EPHA3: variants seen among roughly 807,000 people sequenced by gnomAD.
EPHA3 encodes ephrin type-A receptor 3.
A neutral mutation model predicts 107.1 loss-of-function variants in EPHA3; 42 were observed. The observed-to-expected ratio is 0.39, with a 90% CI of 0.31 to 0.51. The LOEUF (loss-of-function observed/expected upper bound fraction) is 0.51, where lower values mean the gene tolerates loss of function less well. EPHA3 is among the 20% of genes least tolerant of loss of function. The pLI is 0.78. For synonymous variants in EPHA3, 461 were observed against 424.8 expected (o/e 1.09, Z -1.05); for missense variants, 1,183 against 1,211.2 (o/e 0.98, Z 0.35).
intron 5 of EPHA3, among the ~76,000 whole-genome samples, chr3:89,346,460 G>T (rs1707657301): frequency 6.8e-6 from 1 of 147,268 alleles, no homozygotes; most frequent in Non-Finnish European, 1.5e-5. Context: ...CTTTTTGATG[G>T]GGTTGTTTGT....
chr3:89,418,169 C>T (rs1709284591), intron 10 of EPHA3, among the ~76,000 whole-genome samples: 1 of 151,196 alleles, frequency 6.6e-6, no homozygotes, highest in Admixed American at 6.6e-5. Flanking sequence ...CCATCAAGAG[C>T]CAAAAATTAA....
At chr3:89,316,622 A>C (rs1706913342) in intron 3 of EPHA3, among the ~76,000 whole-genome samples, 1 of 149,500 alleles carries the variant, frequency 6.7e-6, no homozygotes, top group African/African-American at 2.4e-5. Flanking sequence ...GTAGATTTTG[A>C]AAGCAGGAGG....
At chr3:89,274,264 G>C (rs1474897560) in intron 3 of EPHA3, among the ~76,000 whole-genome samples, 1 of 151,818 alleles carries the variant, frequency 6.6e-6, no homozygotes, top group Admixed American at 6.6e-5. Context: ...TTTGTATGCT[G>C]TGCTTTAAAT....
intron 5 of EPHA3, among the ~76,000 whole-genome samples, chr3:89,372,576 A>G (rs1193486763): frequency 4.6e-5 from 7 of 151,770 alleles, no homozygotes; most frequent in Admixed American, 2.0e-4. Flanking sequence ...TTGCCAACCT[A>G]TGAAAGAGAA....
intron 3 of EPHA3, among the ~76,000 whole-genome samples, chr3:89,282,800 G>T (rs1470934484): frequency 6.6e-6 from 1 of 152,006 alleles, no homozygotes; most frequent in East Asian, 1.9e-4. Flanking sequence ...ACAGTCTCCT[G>T]CACCAAAACT....
chr3:89,142,305 T>C (rs975800500), intron 2 of EPHA3, among the ~76,000 whole-genome samples: 9 of 151,456 alleles, frequency 5.9e-5, no homozygotes, highest in African/African-American at 2.2e-4. Context: ...ATAGAAACTT[T>C]GGTCTATATT....
chr3:89,341,836 C>A lies in EPHA3; in HGVS notation c.1052C>A (p.Thr351Lys), dbSNP rs1281583058. 1 of 1,613,890 alleles carries A rather than the reference C, an allele frequency of 6.2e-7. No homozygotes were observed. Among genetic ancestry groups the A allele is most frequent in the Admixed American group, 1.7e-5 (1 of 59,972 alleles). Residue 351 changes from threonine (T) to lysine (K), a missense_variant, in exon 5 of 17, where the codon ACA becomes AAA. Transcript: ENST00000336596. ...CTGGACTGGAGTTGGCCCCTGGACACAGGAGGCCGGAAAGATGTTACCTTC... is the reference window on the plus strand; with the variant it reads ...CTGGACTGGAGTTGGCCCCTGGACAAAGGAGGCCGGAAAGATGTTACCTTC... ...VILDWSWPLD[T>K]GGRKDVTFNI...
chr3:89,325,419 C>T (rs1359945443), intron 3 of EPHA3, among the ~76,000 whole-genome samples: 2 of 152,128 alleles, frequency 1.3e-5, no homozygotes, highest in African/African-American at 4.8e-5. Context: ...AAATGTAAAT[C>T]TGATTATGGT....
At chr3:89,397,670 G>A (rs539084118) in intron 6 of EPHA3, among the ~76,000 whole-genome samples, 24 of 139,462 alleles carry the variant, frequency 1.7e-4, no homozygotes, top group African/African-American at 6.4e-4. Context: ...CGCCACCTCC[G>A]CCTCCCAGGT....
At chr3:89,359,798 T>TACACATATATAC (rs1708051946) in intron 5 of EPHA3, among the ~76,000 whole-genome samples, 5 of 144,974 alleles carry the variant, frequency 3.4e-5, no homozygotes, top group African/African-American at 1.2e-4. Context: ...TATACATATA[T>TACACATATATAC]ACACATATAT....
chr3:89,246,493 C>T (rs1705037438), intron 3 of EPHA3, among the ~76,000 whole-genome samples: 1 of 151,922 alleles, frequency 6.6e-6, no homozygotes, highest in Non-Finnish European at 1.5e-5. Context: ...TACCAGGATC[C>T]TCTACTGAAT....
intron 2 of EPHA3, among the ~76,000 whole-genome samples, chr3:89,195,233 C>G (rs1355623467): frequency 6.6e-6 from 1 of 151,938 alleles, no homozygotes; most frequent in African/African-American, 2.4e-5. Flanking sequence ...TGCATAAGTT[C>G]TCACACCTGT....
Position 89,240,955 on chromosome 3 carries a change from G to A in EPHA3, c.814+30435G>A, listed in dbSNP as rs1481700529. 2.0e-5 allele frequency among the ~76,000 whole-genome samples: 3 copies of A among 151,796 alleles called. No homozygotes were observed. The East Asian group carries it at 5.8e-4, about 29-fold the overall frequency. ...GTACATCTTGAAAATTAAGGACATGGATTAAAATAATCAAATGAAATGTTT... is the reference window on the plus strand; with the variant it reads ...GTACATCTTGAAAATTAAGGACATGAATTAAAATAATCAAATGAAATGTTT... On this transcript the variant is annotated intron_variant, in intron 3 of 16. Coordinates refer to ENST00000336596, the MANE Select transcript of EPHA3 (RefSeq NM_005233.6).
intron 3 of EPHA3, among the ~76,000 whole-genome samples, chr3:89,278,121 A>T (rs1391903574): frequency 3.9e-5 from 6 of 152,172 alleles, no homozygotes; most frequent in Non-Finnish European, 8.8e-5. Flanking sequence ...ATAGAGTCAA[A>T]ATACTTTTCT....
rs1222778089 is a variant in EPHA3 at position 89,454,584 on chromosome 3, C to A, written c.2690+4214C>A. The stretch of plus-strand genomic sequence containing the variant: ...TTTCAAACTCCAAACATTTTTTTTG[C>A]ACAGCCTCCAGAATCTTCTTATCAA... On this transcript the variant is annotated intron_variant, in intron 15 of 16. Coordinates refer to ENST00000336596, the MANE Select transcript of EPHA3 (RefSeq NM_005233.6). 2.6e-5 allele frequency among the ~76,000 whole-genome samples: 4 copies of A among 152,094 alleles called. No homozygotes were observed. In the East Asian group the frequency reaches 7.7e-4, roughly 29 times the overall value.
intron 3 of EPHA3, among the ~76,000 whole-genome samples, chr3:89,279,688 G>A (rs1419512771): frequency 6.6e-6 from 1 of 151,842 alleles, no homozygotes; most frequent in African/African-American, 2.4e-5. Context: ...CACTTATTTG[G>A]TGCAATTCTA....
At chr3:89,154,565 G>A (rs1220901753) in intron 2 of EPHA3, among the ~76,000 whole-genome samples, 1 of 151,346 alleles carries the variant, frequency 6.6e-6, no homozygotes, top group Non-Finnish European at 1.5e-5. Context: ...CAGCTATACT[G>A]AACAATATTT....
At chr3:89,191,381 A>G (rs1705713611) in intron 2 of EPHA3, among the ~76,000 whole-genome samples, 1 of 151,478 alleles carries the variant, frequency 6.6e-6, no homozygotes, top group African/African-American at 2.4e-5. Context: ...ATCTCGGCTC[A>G]CTGCAAGCTC....
At chr3:89,171,851 A>G (rs959855884) in intron 2 of EPHA3, among the ~76,000 whole-genome samples, 1 of 152,184 alleles carries the variant, frequency 6.6e-6, no homozygotes, top group African/African-American at 2.4e-5. Flanking sequence ...GTTTAAATGC[A>G]TGACTCAGAG....
Sources: allele counts gnomAD v4.1 joint callset (sites outside exome capture counted in the v4.1 genomes callset), GRCh38; gene constraint gnomAD v4.1.1; transcripts MANE v1.5; gene names NCBI Gene and HGNC (gene_info 2026-07-23, HGNC 2026-07-21).